The following UBE2W variants were observed in gnomAD, a reference collection of about 807,000 sequenced individuals.
UBE2W encodes ubiquitin-conjugating enzyme E2 W.
In UBE2W, 18 loss-of-function variants were observed where a neutral mutation model predicts 27.2. The ratio of observed to expected loss-of-function variants is 0.66; its 90% CI spans 0.46 to 0.98. The LOEUF is 0.98. Among genes scored for constraint, UBE2W ranks in the 50% least tolerant of loss-of-function variants. The pLI, the probability that UBE2W is intolerant of heterozygous loss-of-function variation, is 0.00. For missense variants in UBE2W, 90 were observed against 180.2 expected (o/e 0.50, Z 2.87); for synonymous variants, 53 against 57.2 (o/e 0.93, Z 0.33).
Position 73,780,487 on chromosome 8 carries a change from G to A in UBE2W, c.461C>T (p.Thr154Met), listed in dbSNP as rs139711811. 76 of 452,702 alleles carry A rather than the reference G, an allele frequency of 1.7e-4. No individual in the cohort carries two copies. In the East Asian group the frequency reaches 2.6e-3, roughly 16 times the overall value. The allele number at this position is 452,702 out of a possible 1,614,324, so 28.0% of individuals were successfully genotyped here. ...CTTATTGGAGGACATGATTCAATCC[G>A]TAATAGATAGTATGAAGGCAGATTT... The change falls in exon 5 of 5, where the codon ACG becomes ATG. Residue 154 changes from threonine to methionine, a missense_variant. Thr to Met is a moderately conservative substitution (Grantham distance 81). Transcript: ENST00000523278.
chr8:73,800,824 T>C (rs1416633093), intron 5 of UBE2W, among the ~76,000 whole-genome samples: 1 of 152,236 alleles, frequency 6.6e-6, no homozygotes, highest in Non-Finnish European at 1.5e-5. Flanking sequence ...CTGGGCGCAG[T>C]GGCTCACACC....
Position 73,848,641 on chromosome 8 carries a change from G to A in UBE2W, c.16-18169C>T, listed in dbSNP as rs147101008. On this transcript the variant is annotated intron_variant, in intron 1 of 5. Transcript: ENST00000602593. ...TAGGAATTGGAGGCTGCCGTGAGCC[G>A]TGATCTCACCACTGCACACCAACAG... is the stretch of plus-strand genomic sequence containing the variant. Among the ~76,000 whole-genome samples the A allele has an allele frequency of 4.6e-3, 694 of 152,268 alleles. 7 individuals are homozygous for A. The highest frequency in any genetic ancestry group is 0.015 in the African/African-American group (625 of 41,562).
At position 73,866,170 on chromosome 8, in the gene UBE2W, C is replaced by T. The variant is rs191063456; in HGVS notation, c.15+12638G>A. Among the ~76,000 whole-genome samples the T allele has an allele frequency of 5.8e-3, 866 of 149,828 alleles. 4 individuals carry two copies. Among genetic ancestry groups the T allele is most frequent in the Non-Finnish European group, 9.5e-3 (646 of 67,700 alleles). On this transcript the variant is annotated intron_variant, in intron 1 of 5. Transcript: ENST00000602593. ...CCTGTAATCCCAGCTATTCGGGAGG[C>T]TGAAGCAGGAGAATTGCTTGAACCC...
At chr8:73,805,773 G>C (rs753457306) in intron 4 of UBE2W, 47 bp from the exon 5 acceptor site, 7 of 1,127,836 alleles carry the variant, frequency 6.2e-6, no homozygotes, top group African/African-American at 3.1e-5. Context: ...GAAAAACTGA[G>C]AGGGTGACAG....
intron 2 of UBE2W, among the ~76,000 whole-genome samples, chr8:73,828,351 A>T (rs545798037): frequency 5.4e-4 from 76 of 141,624 alleles, no homozygotes; most frequent in Middle Eastern, 4.0e-3. Flanking sequence ...AAAGGTAATT[A>T]TAACTATACA....
At position 73,791,358 on chromosome 8, in the gene UBE2W, A is replaced by T; in HGVS notation, c.*2744T>A. The T allele has an allele frequency of 1.0e-6, 1 of 984,984 alleles. No individual in the cohort carries two copies. Among genetic ancestry groups the T allele is most frequent in the South Asian group, 4.7e-5 (1 of 21,286 alleles). The allele number at this position is 984,984 out of a possible 1,614,324, so 61.0% of individuals were successfully genotyped here. Reference sequence around the variant, plus strand: ...ATCACTGTCTTAATAGAATTTGGCAAACCAGAAGAATGGCCTAAAAATAAA... The same window carrying T: ...ATCACTGTCTTAATAGAATTTGGCATACCAGAAGAATGGCCTAAAAATAAA... On this transcript the variant is annotated 3_prime_UTR_variant, in exon 6 of 6. Coordinates refer to ENST00000602593, the MANE Select transcript of UBE2W (RefSeq NM_018299.6).
intron 1 of UBE2W, among the ~76,000 whole-genome samples, chr8:73,872,136 C>T (rs557003275): frequency 2.9e-4 from 44 of 152,300 alleles, no homozygotes; most frequent in African/African-American, 9.9e-4. Context: ...AGGCCAGGCG[C>T]GGTGGCCAGC....
chr8:73,783,828 T>C (rs907036379), downstream of UBE2W, among the ~76,000 whole-genome samples: 2 of 152,190 alleles, frequency 1.3e-5, no homozygotes, highest in African/African-American at 2.4e-5. Flanking sequence ...AGTGGTGCGA[T>C]CTGGGCTCAC....
At chr8:73,875,206 T>C (rs1020273033) in intron 1 of UBE2W, among the ~76,000 whole-genome samples, 8 of 152,206 alleles carry the variant, frequency 5.3e-5, no homozygotes, top group East Asian at 1.9e-4. Context: ...GAATTGTATA[T>C]GGCAGAACTC....
At position 73,792,022 on chromosome 8, in the gene UBE2W, G is replaced by T. The variant is rs1413775489; in HGVS notation, c.*2080C>A. 1.0e-6 allele frequency: 1 copy of T among 985,034 alleles called. No individual in the cohort carries two copies. The highest frequency in any genetic ancestry group is 1.7e-5 in the African/African-American group (1 of 57,184). 61.0% of individuals were successfully genotyped at this position (985,034 alleles called of 1,614,324 possible). ...GGTCATTTCTTTATAAAAGCATTTT[G>T]GTAAGAGAACCAGCAATATGGAGAC... On this transcript the variant is annotated 3_prime_UTR_variant, in exon 6 of 6. Coordinates refer to ENST00000602593, the MANE Select transcript of UBE2W (RefSeq NM_018299.6).
chr8:73,852,581 G>A (rs373507410), intron 1 of UBE2W, among the ~76,000 whole-genome samples: 393 of 152,188 alleles, frequency 2.6e-3, no homozygotes, highest in African/African-American at 8.6e-3. Context: ...TTTTACTTTG[G>A]AAGAATAAAT....
intron 1 of UBE2W, among the ~76,000 whole-genome samples, chr8:73,876,406 T>A (rs537459800): frequency 4.1e-4 from 63 of 152,100 alleles, no homozygotes; most frequent in Non-Finnish European, 7.2e-4. Context: ...GACATATATA[T>A]TAAAATATTC....
intron 1 of UBE2W, among the ~76,000 whole-genome samples, chr8:73,873,382 G>C (rs189763035): frequency 2.0e-5 from 3 of 152,152 alleles, no homozygotes; most frequent in Admixed American, 2.0e-4. Flanking sequence ...GTGGGCTGGG[G>C]GCAATGGCTC....
In UBE2W at chr8:73,866,962, G is replaced by A. The variant is rs564531030; in HGVS notation, c.15+11846C>T. On this transcript the variant is annotated intron_variant, in intron 1 of 5. Transcript: ENST00000602593. ...AGAGGTTGCAGTGAGCCGAGATCAC[G>A]CCACCGCACTCCAGCCTGGCGACAG... 1.7e-3 allele frequency among the ~76,000 whole-genome samples: 251 copies of A among 149,428 alleles called. 1 individual carries two copies. Among genetic ancestry groups the A allele is most frequent in the Middle Eastern group, 3.6e-3 (1 of 276 alleles).
intron 3 of UBE2W, among the ~76,000 whole-genome samples, chr8:73,822,785 A>C (rs1018021239): frequency 6.6e-6 from 1 of 151,972 alleles, no homozygotes; most frequent in African/African-American, 2.4e-5. Flanking sequence ...CGCTGTCTCA[A>C]AAAAAACAAA....
At chr8:73,820,312 A>G (rs1293269182) in intron 3 of UBE2W, among the ~76,000 whole-genome samples, 2 of 152,198 alleles carry the variant, frequency 1.3e-5, no homozygotes, top group Non-Finnish European at 2.9e-5. Flanking sequence ...TGTTAAAACT[A>G]TATAGATTAT....
chr8:73,844,400 C>T (rs537778444), intron 1 of UBE2W, among the ~76,000 whole-genome samples: 2 of 152,218 alleles, frequency 1.3e-5, no homozygotes, highest in African/African-American at 2.4e-5. Context: ...CTGCCAGCCT[C>T]GGCCTCCCGA....
In UBE2W at chr8:73,815,068, T is replaced by G. The variant is rs191293946; in HGVS notation, c.211-4439A>C. On this transcript the variant is annotated intron_variant, in intron 3 of 5. Coordinates refer to ENST00000602593, the MANE Select transcript of UBE2W (RefSeq NM_018299.6). The stretch of plus-strand genomic sequence containing the variant: ...TCTACACTGAAAGCCACCATAGTGA[T>G]AAAAATAAAAAATAAGAATGAACAG... Among the ~76,000 whole-genome samples, 79 of 152,186 alleles carry G rather than the reference T, an allele frequency of 5.2e-4. 1 individual carries two copies. The East Asian group carries it at 0.015, about 29-fold the overall frequency.
Position 73,791,352 on chromosome 8 carries a change from T to C in UBE2W, c.*2750A>G. 2.0e-6 allele frequency: 2 copies of C among 983,796 alleles called. No homozygotes were observed. Among genetic ancestry groups the C allele is most frequent in the Non-Finnish European group, 1.2e-6 (1 of 829,476 alleles). The allele number at this position is 983,796 out of a possible 1,614,324, so 60.9% of individuals were successfully genotyped here. Reference sequence around the variant, plus strand: ...AAATGTATCACTGTCTTAATAGAATTTGGCAAACCAGAAGAATGGCCTAAA... The same window carrying C: ...AAATGTATCACTGTCTTAATAGAATCTGGCAAACCAGAAGAATGGCCTAAA... On this transcript the variant is annotated 3_prime_UTR_variant, in exon 6 of 6. Transcript: ENST00000602593.
Sources: allele counts gnomAD v4.1 joint callset (sites outside exome capture counted in the v4.1 genomes callset), GRCh38; gene constraint gnomAD v4.1.1; transcripts MANE v1.5; gene names NCBI Gene and HGNC (gene_info 2026-07-23, HGNC 2026-07-21).